The following ARHGAP42 variants were observed in gnomAD, a reference collection of about 807,000 sequenced individuals.
ARHGAP42 encodes Rho GTPase activating protein 42.
In ARHGAP42, 63 loss-of-function variants were observed where a neutral mutation model predicts 125.0. The ratio of observed to expected loss-of-function variants is 0.50; its 90% CI spans 0.41 to 0.62. The LOEUF is 0.62. Among genes scored for constraint, ARHGAP42 ranks in the 20% least tolerant of loss-of-function variants. The probability of loss-of-function intolerance (pLI) is 0.00; values close to 1 mark genes in which losing one functional copy is unlikely to be tolerated. For synonymous variants in ARHGAP42, 339 were observed against 351.0 expected, an observed-to-expected ratio of 0.97 and a Z score of 0.38; for missense variants, 766 against 1,024.2, an observed-to-expected ratio of 0.75 and a Z score of 3.44.
intron 1 of ARHGAP42, 86 bp downstream of exon 1, chr11:100,687,918 G>T (rs186312627): frequency 7.1e-7 from 1 of 1,401,006 alleles, no homozygotes; most frequent in South Asian, 1.5e-5. Flanking sequence ...GGAGGAGTCG[G>T]AGCTTCTTTT....
At chr11:100,979,479 C>T (rs187387835) in intron 22 of ARHGAP42, among the ~76,000 whole-genome samples, 66 of 152,182 alleles carry the variant, frequency 4.3e-4, no homozygotes, top group African/African-American at 1.5e-3. Flanking sequence ...TTGCCCAAAG[C>T]GACTCTGTTT....
chr11:100,908,266 C>G (rs1866803597), intron 4 of ARHGAP42, among the ~76,000 whole-genome samples: 1 of 152,100 alleles, frequency 6.6e-6, no homozygotes, highest in Non-Finnish European at 1.5e-5. Context: ...ATCTTTGGTA[C>G]TTGCTTGTCA....
At chr11:100,979,901 T>G (rs1243602240) in intron 22 of ARHGAP42, among the ~76,000 whole-genome samples, 1 of 152,230 alleles carries the variant, frequency 6.6e-6, no homozygotes, top group Non-Finnish European at 1.5e-5. Context: ...ATAGTTGTTG[T>G]ATAGTTCCTC....
intron 4 of ARHGAP42, among the ~76,000 whole-genome samples, chr11:100,897,080 C>A (rs1045955038): frequency 6.6e-6 from 1 of 152,142 alleles, no homozygotes; most frequent in Non-Finnish European, 1.5e-5. Context: ...TTCCCAGCAC[C>A]ATTTGTTAAA....
At chr11:100,928,501 A>G (rs2135254196) in intron 6 of ARHGAP42, among the ~76,000 whole-genome samples, 1 of 152,020 alleles carries the variant, frequency 6.6e-6, no homozygotes, top group Admixed American at 6.6e-5. Context: ...TGGGAGGATC[A>G]CTTGAGCCTG....
intron 4 of ARHGAP42, among the ~76,000 whole-genome samples, chr11:100,907,084 C>T (rs1866758163): frequency 1.3e-5 from 2 of 152,228 alleles, no homozygotes; most frequent in Admixed American, 6.5e-5. Context: ...GACTTCACCC[C>T]TCTACAATCC....
chr11:100,901,414 G>A lies in ARHGAP42; in HGVS notation c.385-12038G>A, dbSNP rs561457241. Among the ~76,000 whole-genome samples, 23 of 152,264 alleles carry A rather than the reference G, an allele frequency of 1.5e-4. No individual in the cohort carries two copies. In the South Asian group the frequency reaches 3.7e-3, roughly 25 times the overall value. Reference sequence around the variant, plus strand: ...GTCTGTCTGTTCTCAGAGCTCAAACGCTGTGCTGGGAGAACCACTGCTCTC... The same window carrying A: ...GTCTGTCTGTTCTCAGAGCTCAAACACTGTGCTGGGAGAACCACTGCTCTC... On this transcript the variant is annotated intron_variant, in intron 4 of 23. Coordinates refer to ENST00000298815, the MANE Select transcript of ARHGAP42 (RefSeq NM_152432.4).
At chr11:100,840,279 G>A (rs928757138) in intron 3 of ARHGAP42, among the ~76,000 whole-genome samples, 7 of 152,048 alleles carry the variant, frequency 4.6e-5, no homozygotes, top group Non-Finnish European at 7.4e-5. Flanking sequence ...AGGTCGCTGC[G>A]ACACTTTTGT....
chr11:100,727,709 C>T (rs535384358), intron 1 of ARHGAP42, among the ~76,000 whole-genome samples: 1 of 152,340 alleles, frequency 6.6e-6, no homozygotes, highest in African/African-American at 2.4e-5. Context: ...GCTTGGGACT[C>T]TTCTGGAGCT....
Position 100,992,253 on chromosome 11 carries a change from G to A in ARHGAP42, c.*3452G>A, listed in dbSNP as rs1858849545. ...CTAAAGTCAGAGGCAGACCAATTTAGGGAACAGATTTTGTTCTTTGCTTTT... is the reference window on the plus strand; with the variant it reads ...CTAAAGTCAGAGGCAGACCAATTTAAGGAACAGATTTTGTTCTTTGCTTTT... On this transcript the variant is annotated 3_prime_UTR_variant, in exon 24 of 24. Transcript: ENST00000298815. 2.0e-6 allele frequency: 3 copies of A among 1,527,918 alleles called. No homozygotes were observed. The highest frequency in any genetic ancestry group is 2.6e-6 in the Non-Finnish European group (3 of 1,141,596). 94.6% of individuals were successfully genotyped at this position (1,527,918 alleles called of 1,614,324 possible).
At chr11:100,784,678 C>T (rs1863393179) in intron 2 of ARHGAP42, among the ~76,000 whole-genome samples, 2 of 151,820 alleles carry the variant, frequency 1.3e-5, no homozygotes, top group South Asian at 4.2e-4. Flanking sequence ...AAAAAAAAAT[C>T]CTTAGTATTA....
intron 4 of ARHGAP42, among the ~76,000 whole-genome samples, chr11:100,877,082 T>C (rs1865838815): frequency 6.6e-6 from 1 of 152,206 alleles, no homozygotes. Context: ...TCCCAGCTGG[T>C]AATACTGGTG....
chr11:100,759,102 A>T (rs1449253946), intron 1 of ARHGAP42, among the ~76,000 whole-genome samples: 1 of 152,124 alleles, frequency 6.6e-6, no homozygotes, highest in Non-Finnish European at 1.5e-5. Flanking sequence ...GGCAATGTTG[A>T]GATTGTAGGT....
At chr11:100,949,377 T>C (rs1185993402) in intron 11 of ARHGAP42, among the ~76,000 whole-genome samples, 1 of 152,156 alleles carries the variant, frequency 6.6e-6, no homozygotes, top group Non-Finnish European at 1.5e-5. Flanking sequence ...ATTGGAACTC[T>C]GCATTGATTT....
intron 3 of ARHGAP42, among the ~76,000 whole-genome samples, chr11:100,847,429 G>T (rs1425948717): frequency 1.3e-5 from 2 of 152,270 alleles, no homozygotes; most frequent in East Asian, 1.9e-4. Context: ...AGGTTTTTAG[G>T]AGGTAAGGAG....
chr11:100,914,015 A>G (rs1330903937), intron 5 of ARHGAP42, among the ~76,000 whole-genome samples: 4 of 152,058 alleles, frequency 2.6e-5, no homozygotes, highest in Non-Finnish European at 1.5e-5. Flanking sequence ...GCTCACTGCA[A>G]CCTCTGCCTC....
At chr11:100,752,691 A>G (rs1862487811) in intron 1 of ARHGAP42, among the ~76,000 whole-genome samples, 1 of 152,236 alleles carries the variant, frequency 6.6e-6, no homozygotes, top group Non-Finnish European at 1.5e-5. Context: ...TGGGGGCGTG[A>G]CATACACTCT....
chr11:100,865,947 C>T (rs1865559243), intron 4 of ARHGAP42, among the ~76,000 whole-genome samples: 2 of 152,134 alleles, frequency 1.3e-5, no homozygotes, highest in Non-Finnish European at 2.9e-5. Flanking sequence ...TAGGTTGACT[C>T]TTTCTTTCAT....
intron 1 of ARHGAP42, among the ~76,000 whole-genome samples, chr11:100,703,450 A>G (rs994945363): frequency 1.3e-5 from 2 of 152,176 alleles, no homozygotes; most frequent in Admixed American, 6.5e-5. Context: ...AGCTTTTTAC[A>G]AGATTTAACT....
Sources: gnomAD v4.1 joint callset for allele counts (sites outside exome capture counted in the v4.1 genomes callset) on GRCh38, gnomAD v4.1.1 for gene constraint, MANE v1.5 for transcripts, NCBI Gene and HGNC (gene_info 2026-07-23, HGNC 2026-07-21) for gene names.